Variants in NPNT observed in about 807,000 individuals in gnomAD.
NPNT encodes preosteoblast EGF-like repeat protein with MAM domain.
NPNT carries 45 observed loss-of-function variants against 68.6 expected under a neutral mutation model. The observed-to-expected ratio is 0.66, with a 90% CI of 0.52 to 0.84. NPNT has a LOEUF of 0.84. Ranked by LOEUF, NPNT falls within the 40% of genes least tolerant of loss-of-function variation. The pLI is 0.00. For missense variants in NPNT, 672 were observed against 714.8 expected, an observed-to-expected ratio of 0.94 and a Z score of 0.68; for synonymous variants, 233 against 253.3, an observed-to-expected ratio of 0.92 and a Z score of 0.76.
intron 2 of NPNT, among the ~76,000 whole-genome samples, chr4:105,920,315 T>C (rs1179871550): frequency 6.7e-6 from 1 of 149,320 alleles, no homozygotes; most frequent in Non-Finnish European, 1.5e-5. Flanking sequence ...TTTATTTTCT[T>C]TAGAAAACAA....
intron 2 of NPNT, among the ~76,000 whole-genome samples, chr4:105,904,063 C>T (rs1365403917): frequency 6.6e-6 from 1 of 152,088 alleles, no homozygotes; most frequent in East Asian, 1.9e-4. Flanking sequence ...GGATTATAAG[C>T]GTGAGCCATC....
chr4:105,959,154 G>C (rs1365875795), intron 10 of NPNT, 28 bp downstream of exon 10: 1 of 1,418,680 alleles, frequency 7.0e-7, no homozygotes, highest in South Asian at 1.2e-5. Flanking sequence ...AACTTTTTCT[G>C]GTACACATTT....
chr4:105,898,371 T>G (rs532285331), intron 2 of NPNT, among the ~76,000 whole-genome samples: 1 of 128,192 alleles, frequency 7.8e-6, no homozygotes, highest in East Asian at 2.0e-4. Context: ...TCTCTCTCTC[T>G]CTCTCTCTCG....
chr4:105,914,900 G>A (rs1458391031), intron 2 of NPNT, among the ~76,000 whole-genome samples: 1 of 152,166 alleles, frequency 6.6e-6, no homozygotes, highest in Non-Finnish European at 1.5e-5. Context: ...GGAGAAGTGG[G>A]AAAGGACTCC....
chr4:105,907,568 T>C (rs998881657), intron 2 of NPNT, among the ~76,000 whole-genome samples: 1 of 151,788 alleles, frequency 6.6e-6, no homozygotes, highest in Non-Finnish European at 1.5e-5. Flanking sequence ...TCCTCAAAGA[T>C]AGTAAAATGT....
intron 2 of NPNT, among the ~76,000 whole-genome samples, chr4:105,925,750 T>C (rs1728631663): frequency 6.6e-6 from 1 of 152,148 alleles, no homozygotes; most frequent in African/African-American, 2.4e-5. Context: ...ACACAAATCA[T>C]ACCTTCTTCA....
At chr4:105,953,813 G>A (rs915485877) in intron 8 of NPNT, among the ~76,000 whole-genome samples, 1 of 152,154 alleles carries the variant, frequency 6.6e-6, no homozygotes, top group African/African-American at 2.4e-5. Context: ...TAATCATTTA[G>A]TCCAACAACA....
At chr4:105,917,409 T>G (rs192679608) in intron 2 of NPNT, among the ~76,000 whole-genome samples, 1 of 152,348 alleles carries the variant, frequency 6.6e-6, no homozygotes, top group Admixed American at 6.5e-5. Context: ...GAGAAATGCC[T>G]TCTTCTGTAT....
At chr4:105,930,989 A>T (rs1348571220) in intron 3 of NPNT, among the ~76,000 whole-genome samples, 1 of 152,212 alleles carries the variant, frequency 6.6e-6, no homozygotes, top group Non-Finnish European at 1.5e-5. Flanking sequence ...TGGGCTGATC[A>T]TTAACATACT....
intron 10 of NPNT, among the ~76,000 whole-genome samples, chr4:105,963,637 A>G (rs549081970): frequency 1.4e-4 from 21 of 151,936 alleles, no homozygotes; most frequent in South Asian, 4.2e-4. Context: ...TGTGTGTGTC[A>G]AAGCTAGAAC....
intron 2 of NPNT, among the ~76,000 whole-genome samples, chr4:105,905,527 A>AT (rs1264301505): frequency 6.6e-6 from 1 of 151,158 alleles, no homozygotes; most frequent in Non-Finnish European, 1.5e-5. Context: ...CTGTATCTTG[A>AT]TTTTTTTTTC....
intron 2 of NPNT, among the ~76,000 whole-genome samples, chr4:105,909,716 T>C (rs911039751): frequency 1.3e-5 from 2 of 152,174 alleles, no homozygotes; most frequent in African/African-American, 4.8e-5. Context: ...ATGAAAAATA[T>C]AGCATGAAAA....
intron 7 of NPNT, among the ~76,000 whole-genome samples, chr4:105,941,565 T>G (rs1430547201): frequency 2.0e-5 from 3 of 152,186 alleles, no homozygotes; most frequent in Non-Finnish European, 4.4e-5. Context: ...GTGCATAAAA[T>G]CATGAGGATT....
At chr4:105,898,220 C>A (rs1726043015) in intron 2 of NPNT, 2 of 389,312 alleles carry the variant, frequency 5.1e-6, no homozygotes, top group Non-Finnish European at 9.1e-6. Context: ...CAGAGAGCCA[C>A]CTTAAATGTT....
intron 8 of NPNT, among the ~76,000 whole-genome samples, chr4:105,952,083 A>G (rs544494062): frequency 1.3e-4 from 20 of 152,330 alleles, no homozygotes; most frequent in African/African-American, 4.8e-4. Flanking sequence ...TATTACTGCT[A>G]CTATTGATGT....
At chr4:105,919,919 C>A (rs916309242) in intron 2 of NPNT, among the ~76,000 whole-genome samples, 72 of 151,928 alleles carry the variant, frequency 4.7e-4, no homozygotes, top group African/African-American at 1.7e-3. Context: ...CCCTGTTCCC[C>A]AACAAACTTT....
chr4:105,954,552 C>T (rs112392842), intron 8 of NPNT, among the ~76,000 whole-genome samples: 133 of 152,280 alleles, frequency 8.7e-4, no homozygotes, highest in African/African-American at 3.0e-3. Context: ...CGCCAGTTTC[C>T]ACCAGGATAA....
chr4:105,958,522 G>A lies in NPNT; in HGVS notation c.1211G>A (p.Gly404Glu). 2 of 1,610,774 alleles carry A rather than the reference G, an allele frequency of 1.2e-6. No individual in the cohort carries two copies. The highest frequency in any genetic ancestry group is 1.7e-6 in the Non-Finnish European group (2 of 1,177,756). Residue 404 changes from glycine to glutamate, a missense_variant, in exon 9 of 12, where the codon GGA becomes GAA. Physicochemically the swap from Gly to Glu is moderately conservative, Grantham distance 98 (BLOSUM62 -2). Coordinates refer to ENST00000379987, the MANE Select transcript of NPNT (RefSeq NM_001033047.3). The stretch of plus-strand genomic sequence containing the variant: ...TTTGAAATATTTGAAATAGAAAGAG[G>A]AGTCAGTGCAGACGATGAAGCAAAG... ...DLFEIFEIER[G>E]VSADDEAKDD... is the part of the protein sequence containing the mutation.
Position 105,927,402 on chromosome 4 carries a change from G to T in NPNT, c.239G>T (p.Gly80Val), listed in dbSNP as rs1418226046. ...IGPNKCKCHP[G>V]YAGKTCNQDL... ...CCAAACAAGTGCAAGTGTCATCCTG[G>T]TTATGCTGGAAAAACCTGTAATCAA... is the stretch of plus-strand genomic sequence containing the variant. The change falls in exon 3 of 12, where the codon GGT becomes GTT. Residue 80 changes from glycine to valine, a missense_variant. Coordinates refer to ENST00000379987, the MANE Select transcript of NPNT (RefSeq NM_001033047.3). The T allele has an allele frequency of 6.2e-7, 1 of 1,612,026 alleles. No individual in the cohort carries two copies. The highest frequency in any genetic ancestry group is 8.5e-7 in the Non-Finnish European group (1 of 1,178,624).
Sources: allele counts gnomAD v4.1 joint callset (sites outside exome capture counted in the v4.1 genomes callset), GRCh38; gene constraint gnomAD v4.1.1; transcripts MANE v1.5; gene names NCBI Gene and HGNC (gene_info 2026-07-23, HGNC 2026-07-21).